Variants in ATG101 observed in about 807,000 individuals in gnomAD.
ATG101 encodes autophagy related 101.
ATG101 carries 6 observed loss-of-function variants against 16.7 expected under a neutral mutation model. That is an observed-to-expected ratio of 0.36 (90% CI 0.20 to 0.71). The LOEUF is 0.71. Among genes scored for constraint, ATG101 ranks in the 30% least tolerant of loss-of-function variants. ATG101 has a pLI of 0.57. For missense variants in ATG101, 200 were observed against 292.5 expected, an observed-to-expected ratio of 0.68 and a Z score of 2.31; for synonymous variants, 108 against 118.1, an observed-to-expected ratio of 0.91 and a Z score of 0.56.
upstream of ATG101, chr12:52,069,524 T>G (rs956307976): frequency 6.6e-6 from 1 of 152,260 alleles, no homozygotes; most frequent in African/African-American, 2.4e-5. Context: ...GGTACGCCCC[T>G]CATCTTGCGG....
intron 3 of ATG101, among the ~76,000 whole-genome samples, chr12:52,075,957 C>T (rs532010813): frequency 1.3e-5 from 2 of 152,154 alleles, no homozygotes; most frequent in South Asian, 2.1e-4. Flanking sequence ...CCCAGGAATT[C>T]GAGACCAGCC....
chr12:52,066,494 C>A (rs1389795356), upstream of ATG101, among the ~76,000 whole-genome samples: 6 of 152,110 alleles, frequency 3.9e-5, no homozygotes. Context: ...CAGACAAGCC[C>A]AGAATCATAC....
At chr12:52,066,288 G>A (rs1939548837), upstream of ATG101, among the ~76,000 whole-genome samples, 1 of 152,202 alleles carries the variant, frequency 6.6e-6, no homozygotes. Context: ...TCTGAAGGCA[G>A]TTGGAACCTG....
chr12:52,074,060 C>T (rs1005585298), intron 3 of ATG101, among the ~76,000 whole-genome samples, 158 bp downstream of exon 3: 2 of 150,156 alleles, frequency 1.3e-5, no homozygotes, highest in African/African-American at 4.8e-5. Flanking sequence ...GTGTTGAGAG[C>T]TCCTCTTCAG....
upstream of ATG101, among the ~76,000 whole-genome samples, chr12:52,068,341 A>G (rs1473726078): frequency 4.0e-5 from 6 of 150,648 alleles, no homozygotes; most frequent in African/African-American, 1.5e-4. Flanking sequence ...GGCATGAGCC[A>G]TCACACCCGA....
At chr12:52,067,712 G>A (rs904831556), upstream of ATG101, among the ~76,000 whole-genome samples, 3 of 150,802 alleles carry the variant, frequency 2.0e-5, no homozygotes, top group Non-Finnish European at 3.0e-5. Context: ...CTCAGCCTCC[G>A]GAGTAGCTGG....
At chr12:52,075,059 G>A (rs1939711584) in intron 3 of ATG101, among the ~76,000 whole-genome samples, 1 of 152,206 alleles carries the variant, frequency 6.6e-6, no homozygotes, top group Admixed American at 6.5e-5. Context: ...TGAGCCTGAA[G>A]GCATCTGCTC....
At position 52,077,162 on chromosome 12, in the gene ATG101, G is replaced by A. The variant is rs1219646247; in HGVS notation, c.629G>A (p.Arg210Lys). Residue 210 changes from arginine (R) to lysine (K), a missense_variant, in exon 4 of 4, where the codon AGG (arginine) becomes AAG (lysine). Coordinates refer to ENST00000336854, the MANE Select transcript of ATG101 (RefSeq NM_021934.5). The part of the protein sequence containing the change: ...LGTSVTTTMR[R>K]LIKDTLAL ...ACCTCAGTCACCACCACCATGCGCA[G>A]GCTCATCAAAGACACCCTTGCCCTC... 4 of 1,613,822 alleles carry A rather than the reference G, an allele frequency of 2.5e-6. No homozygotes were observed. The highest frequency in any genetic ancestry group is 3.4e-6 in the Non-Finnish European group (4 of 1,179,864).
In ATG101 at chr12:52,076,770, G is replaced by A. The variant is rs768437308; in HGVS notation, c.253-16G>A. ...CTCAGAGGCCTTGGCTTGCTCATTC[G>A]TTCCCTTCTTCCCAGGATGCACTGC... On this transcript the variant is annotated splice_polypyrimidine_tract_variant and intron_variant, in intron 3 of 3. Transcript: ENST00000336854. The A allele has an allele frequency of 6.8e-6, 11 of 1,608,216 alleles. No homozygotes were observed. In the East Asian group the frequency reaches 1.1e-4, roughly 16 times the overall value.
intron 2 of ATG101, 117 bp downstream of exon 2, chr12:52,070,600 T>G (rs1337669424): frequency 2.0e-5 from 3 of 152,374 alleles, no homozygotes; most frequent in Admixed American, 2.0e-4. Flanking sequence ...TGGGCCCTGC[T>G]TGCTCACTGC....
At position 52,073,877 on chromosome 12, in the gene ATG101, T is replaced by C; in HGVS notation, c.227T>C (p.Leu76Pro). Reference sequence around the variant, plus strand: ...TCTTCTGAGGAACTGGATCGTGCCCTGCGCAAGGTTGTTGGGGAGTTCAAG... The same window carrying C: ...TCTTCTGAGGAACTGGATCGTGCCCCGCGCAAGGTTGTTGGGGAGTTCAAG... The part of the protein sequence containing the change: ...RVSSEELDRA[L>P]RKVVGEFKDA... Residue 76 changes from leucine (L) to proline (P), a missense_variant, in exon 3 of 4, where the codon CTG becomes CCG. Physicochemically the swap from Leu to Pro is moderately conservative, Grantham distance 98. Coordinates refer to ENST00000336854, the MANE Select transcript of ATG101 (RefSeq NM_021934.5). The C allele has an allele frequency of 6.2e-7, 1 of 1,614,210 alleles. No homozygotes were observed. Among genetic ancestry groups the C allele is most frequent in the Non-Finnish European group, 8.5e-7 (1 of 1,180,032 alleles).
At chr12:52,072,572 G>A (rs10876232) in intron 2 of ATG101, among the ~76,000 whole-genome samples, 32,108 of 151,944 alleles carry the variant, frequency 0.21, 4,186 homozygotes, top group East Asian at 0.45. Context: ...TTTTTACCCT[G>A]GAGTCTGTGG....
upstream of ATG101, among the ~76,000 whole-genome samples, chr12:52,065,812 T>C (rs1229868792): frequency 3.3e-5 from 5 of 152,204 alleles, no homozygotes; most frequent in African/African-American, 1.2e-4. Flanking sequence ...CAGTAGGACA[T>C]AGACACACAT....
upstream of ATG101, among the ~76,000 whole-genome samples, chr12:52,067,032 A>G (rs1433188809): frequency 6.6e-6 from 1 of 152,174 alleles, no homozygotes; most frequent in Non-Finnish European, 1.5e-5. Flanking sequence ...TCTTTCTCCC[A>G]GGAGAGGCAC....
intron 2 of ATG101, among the ~76,000 whole-genome samples, chr12:52,071,593 G>C (rs537957090): frequency 9.1e-4 from 138 of 152,292 alleles, no homozygotes; most frequent in African/African-American, 3.2e-3. Context: ...GAGGCGGGTG[G>C]ATCTCTTGAG....
rs554812328 is a variant in ATG101, at chr12:52,077,413, G to C, written c.*223G>C. On this transcript the variant is annotated 3_prime_UTR_variant, in exon 4 of 4. Coordinates refer to ENST00000336854, the MANE Select transcript of ATG101 (RefSeq NM_021934.5). Reference sequence around the variant, plus strand: ...CCTCTACTGTCTCTCCATAGCCCTGGTGGGGTCCCCCTTCTTTCTCCACTG... The same window carrying C: ...CCTCTACTGTCTCTCCATAGCCCTGCTGGGGTCCCCCTTCTTTCTCCACTG... The C allele has an allele frequency of 4.2e-5, 25 of 589,476 alleles. No homozygotes were observed. The Admixed American group carries it at 6.6e-4, about 16-fold the overall frequency. 36.5% of individuals were successfully genotyped at this position (589,476 alleles called of 1,614,324 possible).
rs372159772 is a variant in ATG101, at chr12:52,076,902, G to A, written c.369G>A (p.Thr123=). ...AGTGCATCCCATGGGAAGTGTGGAC[G>A]GTCAAGGTGCATGTGGTAGCCCTGG... The part of the protein sequence containing the change: ...SDECIPWEVW[T]VKVHVVALAT... Residue 123 remains threonine (T), a synonymous_variant, in exon 4 of 4, where the codon ACG becomes ACA. Coordinates refer to ENST00000336854, the MANE Select transcript of ATG101 (RefSeq NM_021934.5). 7.4e-6 allele frequency: 12 copies of A among 1,614,070 alleles called. 1 individual carries two copies. Among genetic ancestry groups the A allele is most frequent in the Middle Eastern group, 3.3e-4 (2 of 6,084 alleles).
rs777599945 is a variant in ATG101, at chr12:52,077,085, C to T, written c.552C>T (p.Asp184=). 2.5e-6 allele frequency: 4 copies of T among 1,614,058 alleles called. No individual in the cohort carries two copies. The East Asian group carries it at 6.7e-5, about 27-fold the overall frequency. ...ACGTGTTTGACACAGGCTTGCGGGA[C>T]GTGCAGCCCTACCTGTACAAGATCT... ...VDNVFDTGLR[D]VQPYLYKISF... is the part of the protein sequence containing the mutation. Residue 184 remains aspartate (D), a synonymous_variant, in exon 4 of 4, where the codon GAC becomes GAT. Coordinates refer to ENST00000336854, the MANE Select transcript of ATG101 (RefSeq NM_021934.5).
Position 52,073,694 on chromosome 12 carries a change from G to A in ATG101, c.44G>A (p.Arg15Gln), listed in dbSNP as rs1482526056. The change falls in exon 3 of 4, where the codon CGG becomes CAG. Residue 15 changes from arginine to glutamine, a missense_variant. Arg to Gln is a conservative substitution (Grantham distance 43, BLOSUM62 1). Coordinates refer to ENST00000336854, the MANE Select transcript of ATG101 (RefSeq NM_021934.5). ...SEVLEVSVEG[R>Q]QVEEAMLAVL... The stretch of plus-strand genomic sequence containing the variant: ...GTGCTGGAGGTGTCGGTGGAGGGGC[G>A]GCAGGTGGAGGAGGCCATGCTGGCT... 3.7e-6 allele frequency: 6 copies of A among 1,613,968 alleles called. No homozygotes were observed. The highest frequency in any genetic ancestry group is 2.2e-5 in the East Asian group (1 of 44,876).
Sources: gnomAD v4.1 joint callset for allele counts (sites outside exome capture counted in the v4.1 genomes callset) on GRCh38, gnomAD v4.1.1 for gene constraint, MANE v1.5 for transcripts, NCBI Gene and HGNC (gene_info 2026-07-23, HGNC 2026-07-21) for gene names.